Variants in PDE10A observed in about 807,000 individuals in gnomAD.
PDE10A encodes the protein phosphodiesterase 10A.
A neutral mutation model predicts 97.7 loss-of-function variants in PDE10A; 39 were observed. That is an observed-to-expected ratio of 0.40 (90% CI 0.31 to 0.52). The LOEUF (loss-of-function observed/expected upper bound fraction) is 0.52. PDE10A is among the 20% of genes least tolerant of loss of function. PDE10A has a pLI of 0.56. For synonymous variants in PDE10A, 371 were observed against 376.8 expected (o/e 0.98, Z 0.18); for missense variants, 731 against 1,047.8 (o/e 0.70, Z 4.17).
chr6:165,381,631 A>ATTTTTTT (rs547827126), intron 17 of PDE10A, among the ~76,000 whole-genome samples: 10 of 118,682 alleles, frequency 8.4e-5, no homozygotes, highest in Admixed American at 2.8e-4. Context: ...CACCTGGCTA[A>ATTTTTTT]TTTTTTTTTT....
At chr6:165,566,801 T>G (rs1423995705) in intron 1 of PDE10A, among the ~76,000 whole-genome samples, 1 of 152,100 alleles carries the variant, frequency 6.6e-6, no homozygotes, top group Non-Finnish European at 1.5e-5. Context: ...AAGTGAAATA[T>G]GAAAAAATGA....
chr6:165,963,657 C>T (rs1055386282), intron 1 of PDE10A, among the ~76,000 whole-genome samples: 3 of 152,180 alleles, frequency 2.0e-5, no homozygotes, highest in Non-Finnish European at 4.4e-5. Flanking sequence ...GGTGGGTGAC[C>T]GGAGGAAGGC....
intron 1 of PDE10A, among the ~76,000 whole-genome samples, chr6:165,585,561 T>C (rs995866103): frequency 3.3e-5 from 5 of 151,872 alleles, no homozygotes; most frequent in South Asian, 2.1e-4. Context: ...AGGCAGAGAA[T>C]AGAATGATGC....
intron 1 of PDE10A, among the ~76,000 whole-genome samples, chr6:165,755,464 C>T (rs1309378890): frequency 6.6e-6 from 1 of 152,142 alleles, no homozygotes; most frequent in African/African-American, 2.4e-5. Flanking sequence ...CTGTCCCTGT[C>T]GTTCTGTCTT....
At chr6:165,354,045 T>C (rs566855708) in intron 18 of PDE10A, among the ~76,000 whole-genome samples, 1 of 152,210 alleles carries the variant, frequency 6.6e-6, no homozygotes, top group Non-Finnish European at 1.5e-5. Flanking sequence ...AGAAATAAAA[T>C]TGGTTAATGT....
At chr6:165,905,486 T>A (rs2128485114) in intron 1 of PDE10A, among the ~76,000 whole-genome samples, 1 of 152,276 alleles carries the variant, frequency 6.6e-6, no homozygotes, top group South Asian at 2.1e-4. Flanking sequence ...TAACAAACAC[T>A]TTTTATTAAC....
intron 1 of PDE10A, among the ~76,000 whole-genome samples, chr6:165,564,336 C>T (rs1388996118): frequency 6.6e-6 from 1 of 152,068 alleles, no homozygotes; most frequent in Non-Finnish European, 1.5e-5. Context: ...GTCCTGCTGC[C>T]CATCCTTAAG....
chr6:165,495,832 C>A (rs1017353422), intron 2 of PDE10A, among the ~76,000 whole-genome samples: 2 of 152,060 alleles, frequency 1.3e-5, no homozygotes, highest in Middle Eastern at 3.2e-3. Context: ...CTACTAAGTG[C>A]CTGTCAGAGT....
At chr6:165,494,967 T>G (rs1382566896) in intron 2 of PDE10A, among the ~76,000 whole-genome samples, 1 of 152,064 alleles carries the variant, frequency 6.6e-6, no homozygotes, top group Non-Finnish European at 1.5e-5. Flanking sequence ...TTATGGGAGA[T>G]AAGTATTTCT....
chr6:165,468,528 T>A (rs191935355), intron 3 of PDE10A, among the ~76,000 whole-genome samples: 1 of 152,288 alleles, frequency 6.6e-6, no homozygotes, highest in Admixed American at 6.5e-5. Flanking sequence ...ATGGTGATAT[T>A]TGCTTTATTG....
At chr6:165,753,673 A>G (rs1793056110) in intron 1 of PDE10A, among the ~76,000 whole-genome samples, 1 of 152,204 alleles carries the variant, frequency 6.6e-6, no homozygotes, top group Admixed American at 6.5e-5. Context: ...TCAATAATTT[A>G]TTATAGGCTG....
chr6:165,855,341 T>G, intron 1 of PDE10A, among the ~76,000 whole-genome samples: 1 of 138,568 alleles, frequency 7.2e-6, no homozygotes, highest in African/African-American at 2.8e-5. Flanking sequence ...CTGCCTCCTG[T>G]GGATCACCTG....
intron 3 of PDE10A, among the ~76,000 whole-genome samples, chr6:165,471,615 C>G (rs940723775): frequency 6.6e-6 from 1 of 152,162 alleles, no homozygotes; most frequent in African/African-American, 2.4e-5. Flanking sequence ...GGCCTCCCAG[C>G]CTTCCATTGG....
chr6:165,806,520 T>G (rs904859581), intron 1 of PDE10A, among the ~76,000 whole-genome samples: 4 of 152,346 alleles, frequency 2.6e-5, no homozygotes, highest in Admixed American at 6.5e-5. Flanking sequence ...TCTGAGCCTC[T>G]GGCTCCTTTT....
chr6:165,823,518 A>G lies in PDE10A; in HGVS notation c.-615+164011T>C, dbSNP rs867432897. Among the ~76,000 whole-genome samples, 186 of 92,700 alleles carry G rather than the reference A, an allele frequency of 2.0e-3. 4 individuals carry two copies. The highest frequency in any genetic ancestry group is 5.8e-3 in the African/African-American group (177 of 30,424). The allele number at this position is 92,700 out of a possible 152,430, so 60.8% of individuals were successfully genotyped here. A position where few individuals can be genotyped will look rare whatever the true frequency, so the allele number is the denominator to read the frequency against. ...TATATATATATATATATATATATAT[A>G]TATATATGAACCTTAATTATAAATA... On this transcript the variant is annotated intron_variant, in intron 1 of 19. Transcript: ENST00000366882.
chr6:165,606,054 A>T (rs1207898150), intron 1 of PDE10A, among the ~76,000 whole-genome samples: 2 of 149,398 alleles, frequency 1.3e-5, no homozygotes, highest in Non-Finnish European at 3.0e-5. Flanking sequence ...GTGCGTGGGG[A>T]TGTTTGTTGA....
At chr6:165,875,562 G>A (rs1232029161) in intron 1 of PDE10A, among the ~76,000 whole-genome samples, 1 of 152,152 alleles carries the variant, frequency 6.6e-6, no homozygotes, top group East Asian at 1.9e-4. Context: ...GATTTTATAA[G>A]TTTTTACTCA....
At chr6:165,478,807 T>G (rs528471007) in intron 3 of PDE10A, among the ~76,000 whole-genome samples, 3 of 152,260 alleles carry the variant, frequency 2.0e-5, no homozygotes, top group Admixed American at 2.0e-4. Context: ...AAGCTTGGGC[T>G]CCAAAACCCT....
intron 5 of PDE10A, among the ~76,000 whole-genome samples, chr6:165,439,057 T>C (rs1790250068): frequency 6.6e-6 from 1 of 152,030 alleles, no homozygotes; most frequent in African/African-American, 2.4e-5. Flanking sequence ...AAATAAGTTC[T>C]AAAGACATTT....
Sources: allele counts gnomAD v4.1 joint callset (sites outside exome capture counted in the v4.1 genomes callset), GRCh38; gene constraint gnomAD v4.1.1; transcripts MANE v1.5; gene names NCBI Gene and HGNC (gene_info 2026-07-23, HGNC 2026-07-21).